MINDY3: variants seen among roughly 807,000 people sequenced by gnomAD.
The protein encoded by MINDY3 is MINDY lysine 48 deubiquitinase 3.
In MINDY3, 38 loss-of-function variants were observed where a neutral mutation model predicts 69.2. That is an observed-to-expected ratio of 0.55 (90% confidence interval 0.42 to 0.72). MINDY3 has a LOEUF of 0.72. MINDY3 is among the 30% of genes least tolerant of loss of function. The pLI is 0.00. For missense variants in MINDY3, 522 were observed against 519.0 expected (o/e 1.01, Z -0.06); for synonymous variants, 192 against 180.1 (o/e 1.07, Z -0.53).
intron 3 of MINDY3, among the ~76,000 whole-genome samples, chr10:15,842,163 C>G (rs1303218093): frequency 6.6e-6 from 1 of 151,812 alleles, no homozygotes; most frequent in African/African-American, 2.4e-5. Flanking sequence ...CGCAAATGCT[C>G]AGACCATCTC....
chr10:15,836,627 G>C (rs1184611481), intron 6 of MINDY3, among the ~76,000 whole-genome samples: 1 of 151,674 alleles, frequency 6.6e-6, no homozygotes, highest in African/African-American at 2.4e-5. Flanking sequence ...AGGACTAGAA[G>C]GGGACATATT....
At chr10:15,848,122 A>C (rs1432563533) in intron 1 of MINDY3, among the ~76,000 whole-genome samples, 179 bp from the exon 2 acceptor site, 1 of 151,906 alleles carries the variant, frequency 6.6e-6, no homozygotes, top group Admixed American at 6.6e-5. Flanking sequence ...ATCCACCCCC[A>C]CTCCCAAATG....
chr10:15,791,041 A>G (rs1024064478), intron 11 of MINDY3, among the ~76,000 whole-genome samples: 2 of 152,188 alleles, frequency 1.3e-5, no homozygotes, highest in African/African-American at 4.8e-5. Context: ...AAACATTTTT[A>G]AGGTAGCTAT....
intron 13 of MINDY3, among the ~76,000 whole-genome samples, chr10:15,785,991 A>G (rs1240450302): frequency 6.6e-6 from 1 of 152,184 alleles, no homozygotes; most frequent in Non-Finnish European, 1.5e-5. Flanking sequence ...AAAGACAGAA[A>G]GATGGGTATT....
At chr10:15,836,265 T>C (rs1405757256) in intron 6 of MINDY3, among the ~76,000 whole-genome samples, 1 of 151,976 alleles carries the variant, frequency 6.6e-6, no homozygotes, top group Non-Finnish European at 1.5e-5. Context: ...CTTTCCCATA[T>C]AGAAAACTTG....
chr10:15,813,436 C>T (rs1051157449), intron 10 of MINDY3, among the ~76,000 whole-genome samples: 2 of 152,150 alleles, frequency 1.3e-5, no homozygotes, highest in African/African-American at 4.8e-5. Context: ...TTTAAGTAAA[C>T]ATCCCAATTT....
intron 12 of MINDY3, among the ~76,000 whole-genome samples, chr10:15,787,068 T>C (rs1001244113): frequency 1.3e-5 from 2 of 152,182 alleles, no homozygotes; most frequent in Admixed American, 6.5e-5. Flanking sequence ...AAGGCAGTGG[T>C]ACATCAGATA....
At chr10:15,841,640 GAAAA>G in intron 3 of MINDY3, 41 bp from the exon 4 acceptor site, 1 of 1,108,456 alleles carries the variant, frequency 9.0e-7, no homozygotes, top group Non-Finnish European at 1.2e-6. Flanking sequence ...GTTTCCTCTG[GAAAA>G]AAAAAAATTC....
intron 6 of MINDY3, 80 bp downstream of exon 6, chr10:15,837,124 A>G: frequency 1.4e-6 from 1 of 712,088 alleles, no homozygotes; most frequent in South Asian, 2.1e-5. Context: ...ACCATCAGGA[A>G]TAAAATTACT....
rs763598271 is a variant in MINDY3 at position 15,779,075 on chromosome 10, T to G, written c.1255A>C (p.Thr419Pro). Residue 419 changes from threonine to proline, a missense_variant, in exon 15 of 15, where the codon ACT (threonine) becomes CCT (proline). By Grantham distance (38) the Thr-to-Pro change is conservative. Coordinates refer to ENST00000277632, the MANE Select transcript of MINDY3 (RefSeq NM_024948.4). ...FEDPMLQTDDTPIKRCLQTKW... is the reference protein window; with the variant it reads ...FEDPMLQTDDPPIKRCLQTKW... ...GTTTGCAGACAGCGTTTAATAGGAG[T>G]GTCATCTGTCTGTAGCATGGGATCT... is the stretch of plus-strand genomic sequence containing the variant. The G allele has an allele frequency of 3.7e-6, 6 of 1,613,540 alleles. No individual in the cohort carries two copies. Among genetic ancestry groups the G allele is most frequent in the Non-Finnish European group, 5.1e-6 (6 of 1,179,752 alleles).
At chr10:15,816,175 C>T (rs377125608) in intron 10 of MINDY3, among the ~76,000 whole-genome samples, 3 of 147,026 alleles carry the variant, frequency 2.0e-5, no homozygotes, top group East Asian at 2.0e-4. Flanking sequence ...GTGGGAGAAT[C>T]GCTTGAACCC....
At chr10:15,793,609 G>A (rs1837583805) in intron 11 of MINDY3, among the ~76,000 whole-genome samples, 1 of 152,192 alleles carries the variant, frequency 6.6e-6, no homozygotes, top group South Asian at 2.1e-4. Flanking sequence ...AGCCTTTCAA[G>A]AAAGATACTG....
At position 15,860,414 on chromosome 10, in the gene MINDY3, T is replaced by G. The variant is rs1588675430; in HGVS notation, c.-115A>C. The G allele has an allele frequency of 1.3e-6, 1 of 774,802 alleles. No individual in the cohort carries two copies. The highest frequency in any genetic ancestry group is 2.2e-6 in the Non-Finnish European group (1 of 449,662). The allele number at this position is 774,802 out of a possible 1,614,324, so 48.0% of individuals were successfully genotyped here. A position where few individuals can be genotyped will look rare whatever the true frequency, so the allele number is the denominator to read the frequency against. On this transcript the variant is annotated 5_prime_UTR_variant, in exon 1 of 15. Transcript: ENST00000277632. ...CGGCGGCGGCAAACGAATTGGAAGG[T>G]GAGGCAGGAAAGAAGAAGGGGCTGA...
At chr10:15,819,645 C>T (rs1300604896) in intron 9 of MINDY3, among the ~76,000 whole-genome samples, 1 of 152,184 alleles carries the variant, frequency 6.6e-6, no homozygotes, top group African/African-American at 2.4e-5. Context: ...GCTTGCTGTA[C>T]CCCAGTCCCC....
chr10:15,811,814 G>A (rs1839021072), intron 10 of MINDY3, among the ~76,000 whole-genome samples: 1 of 152,042 alleles, frequency 6.6e-6, no homozygotes, highest in Non-Finnish European at 1.5e-5. Context: ...AATTACATGT[G>A]TACAGAACAT....
chr10:15,860,255 G>C lies in MINDY3; in HGVS notation c.45C>G (p.Thr15=). 6.2e-7 allele frequency: 1 copy of C among 1,611,046 alleles called. No individual in the cohort carries two copies. The change falls in exon 1 of 15, where the codon ACC becomes ACG. Residue 15 remains threonine (T), a synonymous_variant. Transcript: ENST00000277632. ...TKELMELVWG[T]KSSPGLSDTI... ...TGTCCGAGAGACCGGGGCTGCTCTT[G>C]GTGCCCCACACCAGCTCCATCAGCT... is the stretch of plus-strand genomic sequence containing the variant.
intron 5 of MINDY3, chr10:15,838,018 T>C: frequency 1.0e-6 from 1 of 980,230 alleles, no homozygotes; most frequent in Non-Finnish European, 1.2e-6. Context: ...GAAAAGCGTA[T>C]CTGGGTAGTT....
intron 10 of MINDY3, 123 bp downstream of exon 10, chr10:15,816,712 T>G: frequency 1.4e-6 from 1 of 691,480 alleles, no homozygotes; most frequent in Non-Finnish European, 2.5e-6. Context: ...TTTGAGATTT[T>G]TGAACAATTC....
chr10:15,797,570 C>CAAAT (rs1208650904), intron 10 of MINDY3, among the ~76,000 whole-genome samples: 6 of 152,184 alleles, frequency 3.9e-5, no homozygotes, highest in African/African-American at 9.6e-5. Context: ...AATGCTGAAT[C>CAAAT]AAATAAACCT....
Sources: allele counts gnomAD v4.1 joint callset (sites outside exome capture counted in the v4.1 genomes callset), GRCh38; gene constraint gnomAD v4.1.1; transcripts MANE v1.5; gene names NCBI Gene and HGNC (gene_info 2026-07-23, HGNC 2026-07-21).